Variants in NSUN2 observed in about 807,000 individuals in gnomAD.
NSUN2 encodes RNA cytosine C(5)-methyltransferase NSUN2.
In NSUN2, 63 loss-of-function variants were observed where a neutral mutation model predicts 92.7. That is an observed-to-expected ratio of 0.68 (90% confidence interval 0.56 to 0.84). The LOEUF (loss-of-function observed/expected upper bound fraction) is 0.84, where lower values mean the gene tolerates loss of function less well. Ranked by LOEUF, NSUN2 falls within the 40% of genes least tolerant of loss-of-function variation. The pLI is 0.00. For synonymous variants in NSUN2, 356 were observed against 348.3 expected (o/e 1.02, Z -0.25); for missense variants, 989 against 964.9 (o/e 1.02, Z -0.33).
At chr5:6,632,819 C>T in intron 1 of NSUN2, 63 bp from the exon 2 acceptor site, 4 of 1,570,606 alleles carry the variant, frequency 2.5e-6, no homozygotes, top group Non-Finnish European at 3.5e-6. Context: ...CGCCGCCTCG[C>T]AGGCCTCGGG....
chr5:6,631,093 CCAAA>C (rs1050003274), intron 3 of NSUN2, among the ~76,000 whole-genome samples: 21 of 152,280 alleles, frequency 1.4e-4, no homozygotes, highest in South Asian at 6.2e-4. Context: ...GACTCCGTCT[CCAAA>C]CAAACAAACA....
At chr5:6,608,861 T>G (rs1736881496) in intron 12 of NSUN2, among the ~76,000 whole-genome samples, 1 of 152,258 alleles carries the variant, frequency 6.6e-6, no homozygotes, top group South Asian at 2.1e-4. Context: ...TATCTAATAC[T>G]TTACAATATA....
intron 17 of NSUN2, chr5:6,603,906 A>C: frequency 4.4e-6 from 2 of 453,768 alleles, no homozygotes; most frequent in Non-Finnish European, 4.0e-6. Context: ...GCTGCTGGGC[A>C]GCAGCAGGGC....
rs191791881 is a variant in NSUN2, at chr5:6,631,993, G to C, written c.255-16C>G. The C allele has an allele frequency of 4.5e-5, 71 of 1,581,478 alleles. No individual in the cohort carries two copies. In the African/African-American group the frequency reaches 8.4e-4, roughly 19 times the overall value. On this transcript the variant is annotated splice_polypyrimidine_tract_variant and intron_variant, in intron 2 of 18. Coordinates refer to ENST00000264670, the MANE Select transcript of NSUN2 (RefSeq NM_017755.6). ...TTTTGCGTGGCTATTGAAAAATAAGGAAGTTTCAAACTGATCTAAAAAACT... is the reference window on the plus strand; with the variant it reads ...TTTTGCGTGGCTATTGAAAAATAAGCAAGTTTCAAACTGATCTAAAAAACT...
chr5:6,616,820 G>A lies in NSUN2; in HGVS notation c.928C>T (p.Leu310=). The A allele has an allele frequency of 6.2e-7, 1 of 1,614,020 alleles. No individual in the cohort carries two copies. Among genetic ancestry groups the A allele is most frequent in the Non-Finnish European group, 8.5e-7 (1 of 1,179,950 alleles). ...LRIATRGAEQ[L]AEGGRMVYST... is the part of the protein sequence containing the mutation. ...TACACCATCCTTCCACCTTCAGCCA[G>A]CTGTTCAGCCCCGCGTGTTGCAATC... is the stretch of plus-strand genomic sequence containing the variant. Residue 310 remains leucine (L), a synonymous_variant, in exon 9 of 19, where the codon CTG becomes TTG. Coordinates refer to ENST00000264670, the MANE Select transcript of NSUN2 (RefSeq NM_017755.6).
At chr5:6,605,912 C>T (rs1736750435) in intron 14 of NSUN2, among the ~76,000 whole-genome samples, 1 of 152,080 alleles carries the variant, frequency 6.6e-6, no homozygotes, top group African/African-American at 2.4e-5. Context: ...TCAGACTGGT[C>T]TCAAACTCCT....
At chr5:6,610,218 A>G (rs1736931406) in intron 11 of NSUN2, among the ~76,000 whole-genome samples, 1 of 151,750 alleles carries the variant, frequency 6.6e-6, no homozygotes, top group Non-Finnish European at 1.5e-5. Context: ...CATGCAACAC[A>G]CTGCCTGGCC....
At chr5:6,620,483 T>G (rs1209655802) in intron 6 of NSUN2, 185 bp from the exon 7 acceptor site, 1 of 425,142 alleles carries the variant, frequency 2.4e-6, no homozygotes, top group African/African-American at 2.0e-5. Flanking sequence ...TCTGGATGGA[T>G]TTTATGGACA....
chr5:6,625,001 G>T (rs190503108), intron 4 of NSUN2, among the ~76,000 whole-genome samples: 1 of 152,134 alleles, frequency 6.6e-6, no homozygotes, highest in Non-Finnish European at 1.5e-5. Context: ...GGTGGCTACG[G>T]AGAATGTGAA....
At chr5:6,631,524 T>C (rs1349628876) in intron 3 of NSUN2, among the ~76,000 whole-genome samples, 3 of 152,208 alleles carry the variant, frequency 2.0e-5, no homozygotes, top group African/African-American at 7.2e-5. Context: ...GTTGTCAAGC[T>C]AAGTCTGTCC....
At position 6,602,476 on chromosome 5, in the gene NSUN2, T is replaced by C. The variant is rs1186959821; in HGVS notation, c.1982A>G (p.Tyr661Cys). 12 of 1,614,080 alleles carry C rather than the reference T, an allele frequency of 7.4e-6. No homozygotes were observed. The highest frequency in any genetic ancestry group is 1.1e-5 in the South Asian group (1 of 91,084). The part of the protein sequence containing the change: ...DLAKGSIVLK[Y>C]EPDSANPDAL... ...ACTGACTTACGCAGAATCTGGTTCA[T>C]ACTTCAGCACGATGCTTCCCTTTGC... Residue 661 changes from tyrosine (Y) to cysteine (C), a missense_variant, in exon 18 of 19, where the codon TAT becomes TGT. This residue lies in a region of NSUN2 where 626 missense variants were observed against 602.3 expected (regional missense o/e 1.04). Transcript: ENST00000264670.
chr5:6,608,996 G>C (rs1259984099), intron 12 of NSUN2, among the ~76,000 whole-genome samples: 1 of 152,230 alleles, frequency 6.6e-6, no homozygotes, highest in African/African-American at 2.4e-5. Context: ...CAGAAGTGCA[G>C]TCGCCCCCTT....
At chr5:6,600,965 T>C (rs771257279) in intron 18 of NSUN2, among the ~76,000 whole-genome samples, 4 of 152,172 alleles carry the variant, frequency 2.6e-5, no homozygotes, top group Admixed American at 1.3e-4. Context: ...CCAGCAGAGA[T>C]GGACGCCACC....
intron 7 of NSUN2, among the ~76,000 whole-genome samples, 185 bp from the exon 8 acceptor site, chr5:6,618,209 A>G (rs1737293769): frequency 6.6e-6 from 1 of 152,216 alleles, no homozygotes; most frequent in Admixed American, 6.5e-5. Flanking sequence ...AATGTATTAT[A>G]GTTTTAAATT....
chr5:6,620,234 C>G lies in NSUN2; in HGVS notation c.687G>C (p.Lys229Asn). 1 of 1,612,422 alleles carries G rather than the reference C, an allele frequency of 6.2e-7. No individual in the cohort carries two copies. Among genetic ancestry groups the G allele is most frequent in the South Asian group, 1.1e-5 (1 of 90,694 alleles). The change falls in exon 7 of 19, where the codon AAG (lysine) becomes AAC (asparagine). Residue 229 changes from lysine (K) to asparagine (N), a missense_variant. Lys to Asn is a moderately conservative substitution (Grantham distance 94). Coordinates refer to ENST00000264670, the MANE Select transcript of NSUN2 (RefSeq NM_017755.6). ...KRCYLLVHQA[K>N]RLSSPCIMVV... ...CCATGATGCAGGGGCTGCTCAGCCT[C>G]TTGGCTTGATGGACGAGCAGGTAGC...
At chr5:6,627,552 T>C (rs750339290) in intron 3 of NSUN2, among the ~76,000 whole-genome samples, 1 of 152,256 alleles carries the variant, frequency 6.6e-6, no homozygotes, top group Non-Finnish European at 1.5e-5. Flanking sequence ...GTCAAATTTC[T>C]GATAGTCAAA....
chr5:6,616,718 C>T lies in NSUN2; in HGVS notation c.1021+9G>A, dbSNP rs1375148414. The T allele has an allele frequency of 8.0e-6, 11 of 1,367,458 alleles. No individual in the cohort carries two copies. Among genetic ancestry groups the T allele is most frequent in the African/African-American group, 2.9e-5 (1 of 35,056 alleles). The allele number at this position is 1,367,458 out of a possible 1,614,324, so 84.7% of individuals were successfully genotyped here. ...TGCTGTTAATAAAAGATCCATCAAG[C>T]GTGCTTACCTTCACTTTTTTCCAGT... On this transcript the variant is annotated intron_variant, in intron 9 of 18. Coordinates refer to ENST00000264670, the MANE Select transcript of NSUN2 (RefSeq NM_017755.6).
At chr5:6,603,001 C>G (rs1273450136) in intron 17 of NSUN2, among the ~76,000 whole-genome samples, 1 of 152,176 alleles carries the variant, frequency 6.6e-6, no homozygotes, top group African/African-American at 2.4e-5. Context: ...CAGTGGGAGA[C>G]AGACTCCACA....
intron 12 of NSUN2, among the ~76,000 whole-genome samples, chr5:6,607,709 GC>G (rs1736832035): frequency 6.6e-6 from 1 of 152,166 alleles, no homozygotes; most frequent in African/African-American, 2.4e-5. Flanking sequence ...TCTGGGTAAG[GC>G]ACACTGAAGG....
Sources: allele counts gnomAD v4.1 joint callset (sites outside exome capture counted in the v4.1 genomes callset), GRCh38; gene constraint gnomAD v4.1.1; regional missense constraint gnomAD v4.1.1; transcripts MANE v1.5; gene names NCBI Gene and HGNC (gene_info 2026-07-23, HGNC 2026-07-21).